The following CDH23 variants were observed in gnomAD, a reference collection of about 807,000 sequenced individuals.
The protein encoded by CDH23 is cadherin-23.
A neutral mutation model predicts 317.1 loss-of-function variants in CDH23; 189 were observed. That is an observed-to-expected ratio of 0.60 (90% CI 0.53 to 0.67). CDH23 has a LOEUF of 0.67. CDH23 is among the 30% of genes least tolerant of loss of function. CDH23 has a pLI of 0.00. For missense variants in CDH23, 4,401 were observed against 4,592.4 expected, an observed-to-expected ratio of 0.96 and a Z score of 1.20; for synonymous variants, 1,839 against 1,876.8, an observed-to-expected ratio of 0.98 and a Z score of 0.52.
At chr10:71,712,409 G>A in intron 27 of CDH23, 1 of 447,354 alleles carries the variant, frequency 2.2e-6, no homozygotes, top group Non-Finnish European at 4.0e-6. Flanking sequence ...GGGGATGACA[G>A]TAAAGTGTCT....
intron 3 of CDH23, among the ~76,000 whole-genome samples, chr10:71,504,025 T>C (rs1240380662): frequency 6.6e-6 from 1 of 151,080 alleles, no homozygotes; most frequent in Non-Finnish European, 1.5e-5. Flanking sequence ...AAATGGTCAA[T>C]TTAAGGTTTT....
At position 71,815,098 on chromosome 10, in the gene CDH23, C is replaced by T. The variant is rs1382062973; in HGVS notation, c.9885C>T (p.Thr3295=). ...VHGSTGTLLA[T]DLNSLPEEDQ... Reference sequence around the variant, plus strand: ...GCAGCACGGGCACGCTGCTGGCCACCGACCTCAACAGCCTGCCCGAGGAAG... The same window carrying T: ...GCAGCACGGGCACGCTGCTGGCCACTGACCTCAACAGCCTGCCCGAGGAAG... Residue 3295 remains threonine, a synonymous_variant, in exon 70 of 70, where the codon ACC becomes ACT. Coordinates refer to ENST00000224721, the MANE Select transcript of CDH23 (RefSeq NM_022124.6). 1 of 1,611,036 alleles carries T rather than the reference C, an allele frequency of 6.2e-7. No homozygotes were observed. The highest frequency in any genetic ancestry group is 8.5e-7 in the Non-Finnish European group (1 of 1,179,092).
chr10:71,537,678 AC>A (rs1283566247), intron 6 of CDH23, among the ~76,000 whole-genome samples: 1 of 151,980 alleles, frequency 6.6e-6, no homozygotes, highest in Admixed American at 6.5e-5. Flanking sequence ...TCCCAAAAAA[AC>A]CCCAGCTGAA....
rs113734719 is a variant in CDH23, at chr10:71,751,182, A to T, written c.4845+9261A>T. On this transcript the variant is annotated intron_variant, in intron 38 of 69. Transcript: ENST00000224721. This position sits in a 1 kb window ranked among gnomAD's most constrained non-coding sequence, Gnocchi z 4.9. Reference sequence around the variant, plus strand: ...AGGGCCGAGGCCAAGGAGGCCACTCACAGAGCCAGCCCTGGCTCAAATGCA... The same window carrying T: ...AGGGCCGAGGCCAAGGAGGCCACTCTCAGAGCCAGCCCTGGCTCAAATGCA... 3.3e-3 allele frequency: 5,019 copies of T among 1,534,666 alleles called. 134 individuals carry two copies. The African/African-American group carries it at 0.058, about 18-fold the overall frequency.
At chr10:71,442,640 T>A (rs1038099388) in intron 2 of CDH23, among the ~76,000 whole-genome samples, 3 of 152,162 alleles carry the variant, frequency 2.0e-5, no homozygotes, top group Admixed American at 6.5e-5. Flanking sequence ...TCTTCATCCG[T>A]GGGCTTGTTG....
intron 3 of CDH23, among the ~76,000 whole-genome samples, chr10:71,457,822 G>T (rs567426230): frequency 2.0e-4 from 30 of 152,382 alleles, no homozygotes; most frequent in Middle Eastern, 3.4e-3. Flanking sequence ...GGGGAAAATA[G>T]ATGAAAGTAT....
chr10:71,583,632 T>C (rs1453543901), intron 9 of CDH23, among the ~76,000 whole-genome samples: 2 of 152,168 alleles, frequency 1.3e-5, no homozygotes, highest in Admixed American at 1.3e-4. Context: ...CTTTTCATGC[T>C]GAAAAGGCTT....
At chr10:71,733,790 T>C (rs568833882) in intron 32 of CDH23, among the ~76,000 whole-genome samples, 1 of 152,374 alleles carries the variant, frequency 6.6e-6, no homozygotes, top group South Asian at 2.1e-4. Context: ...GTGTATCTTT[T>C]ATCAGAATTC....
chr10:71,636,848 G>A (rs931938825), intron 11 of CDH23, among the ~76,000 whole-genome samples: 12 of 152,206 alleles, frequency 7.9e-5, no homozygotes, highest in Non-Finnish European at 1.3e-4. Flanking sequence ...CAGGCCTGAA[G>A]GGCAGAGGAA....
intron 9 of CDH23, among the ~76,000 whole-genome samples, chr10:71,594,994 A>C (rs1859744182): frequency 6.6e-6 from 1 of 152,220 alleles, no homozygotes; most frequent in African/African-American, 2.4e-5. Context: ...TAATATACTG[A>C]GATATCAGCC....
At chr10:71,551,140 G>A (rs969196299) in intron 6 of CDH23, among the ~76,000 whole-genome samples, 7 of 152,196 alleles carry the variant, frequency 4.6e-5, no homozygotes, top group African/African-American at 1.4e-4. Context: ...TGAGTGTCAC[G>A]AGGACTTCCG....
intron 38 of CDH23, among the ~76,000 whole-genome samples, chr10:71,756,793 T>G (rs1418687935): frequency 1.3e-5 from 2 of 152,200 alleles, no homozygotes; most frequent in African/African-American, 4.8e-5. Context: ...CCCAAAGAGC[T>G]CTGAGAGGTA....
At chr10:71,779,156 C>CA in intron 40 of CDH23, 111 bp from the exon 41 acceptor site, 1 of 973,104 alleles carries the variant, frequency 1.0e-6, no homozygotes, top group South Asian at 1.4e-5. Flanking sequence ...ATGATTCCTG[C>CA]ATGGGCCTCA....
At chr10:71,739,834 T>C (rs995034156) in intron 36 of CDH23, 62 bp downstream of exon 36, 12 of 1,529,196 alleles carry the variant, frequency 7.8e-6, no homozygotes, top group Non-Finnish European at 1.1e-5. Flanking sequence ...CGGTCACTAC[T>C]CTCCATCCAG....
At chr10:71,778,840 C>T (rs937052452) in intron 40 of CDH23, among the ~76,000 whole-genome samples, 22 of 152,188 alleles carry the variant, frequency 1.4e-4, no homozygotes, top group South Asian at 4.1e-4. Flanking sequence ...ACTGCAGACT[C>T]GACCTCCTGG....
chr10:71,485,695 G>GT (rs1852311792), intron 3 of CDH23, among the ~76,000 whole-genome samples: 2 of 152,246 alleles, frequency 1.3e-5, no homozygotes, highest in Non-Finnish European at 2.9e-5. Context: ...TTGGGGCTGT[G>GT]TGGGCAGAGA....
At chr10:71,639,676 G>A (rs1862444392) in intron 11 of CDH23, among the ~76,000 whole-genome samples, 1 of 152,206 alleles carries the variant, frequency 6.6e-6, no homozygotes, top group South Asian at 2.1e-4. Flanking sequence ...AAGAAAAGGA[G>A]TGGACTGACG....
At chr10:71,570,261 A>G (rs1487095656) in intron 7 of CDH23, among the ~76,000 whole-genome samples, 2 of 152,210 alleles carry the variant, frequency 1.3e-5, no homozygotes, top group African/African-American at 2.4e-5. Context: ...ATGCAGGGAC[A>G]CAGGTGCCAG....
chr10:71,703,644 A>G (rs2132736341), intron 24 of CDH23, among the ~76,000 whole-genome samples: 1 of 152,340 alleles, frequency 6.6e-6, no homozygotes, highest in South Asian at 2.1e-4. Context: ...GTTGTTTGTC[A>G]GGATGCCAGA....
Sources: gnomAD v4.1 joint callset for allele counts (sites outside exome capture counted in the v4.1 genomes callset) on GRCh38, gnomAD v4.1.1 for gene constraint, Gnocchi (gnomAD v3.1) non-coding constraint, MANE v1.5 for transcripts, NCBI Gene and HGNC (gene_info 2026-07-23, HGNC 2026-07-21) for gene names.